Variants in NCAM1 observed in about 807,000 individuals in gnomAD.
NCAM1 encodes antigen recognized by monoclonal antibody 5.1H11.
NCAM1 carries 14 observed loss-of-function variants against 109.8 expected under a neutral mutation model. That is an observed-to-expected ratio of 0.13 (90% CI 0.08 to 0.20). The LOEUF is 0.20. NCAM1 is among the 10% of genes least tolerant of loss of function. NCAM1 has a pLI of 1.00. For synonymous variants in NCAM1, 418 were observed against 442.9 expected (o/e 0.94, Z 0.70); for missense variants, 774 against 1,109.9 (o/e 0.70, Z 4.30).
At chr11:113,123,849 G>A (rs1019167120) in intron 1 of NCAM1, among the ~76,000 whole-genome samples, 2 of 152,164 alleles carry the variant, frequency 1.3e-5, no homozygotes, top group African/African-American at 4.8e-5. Flanking sequence ...CCCTGGCAAA[G>A]GGATGTAGAC....
chr11:113,151,896 A>G (rs1335968780), intron 1 of NCAM1, among the ~76,000 whole-genome samples: 3 of 152,254 alleles, frequency 2.0e-5, no homozygotes, highest in Non-Finnish European at 2.9e-5. Flanking sequence ...AAATGGATGT[A>G]GGAGTGAACC....
chr11:113,216,390 G>T (rs1555114397), intron 8 of NCAM1, among the ~76,000 whole-genome samples: 1 of 151,924 alleles, frequency 6.6e-6, no homozygotes, highest in Admixed American at 6.6e-5. Flanking sequence ...CTGACCTCGT[G>T]ATCCGCCCGC....
chr11:113,130,786 C>G (rs1352901703), intron 1 of NCAM1: 6 of 152,152 alleles, frequency 3.9e-5, no homozygotes, highest in Admixed American at 2.0e-4. Context: ...TTTATACCTC[C>G]CCATCAGCAA....
intron 1 of NCAM1, among the ~76,000 whole-genome samples, chr11:113,120,364 G>T (rs576344999): frequency 6.6e-6 from 1 of 152,120 alleles, no homozygotes; most frequent in Non-Finnish European, 1.5e-5. Context: ...TTAGCACTCA[G>T]CCATTTAAAA....
At chr11:113,200,582 T>G (rs1238068617) in intron 1 of NCAM1, among the ~76,000 whole-genome samples, 1 of 152,146 alleles carries the variant, frequency 6.6e-6, no homozygotes, top group African/African-American at 2.4e-5. Flanking sequence ...ACGCTAGCCC[T>G]AACTAGAAGT....
chr11:112,967,600 G>A (rs781859349), intron 1 of NCAM1, among the ~76,000 whole-genome samples: 34 of 152,190 alleles, frequency 2.2e-4, no homozygotes, highest in Non-Finnish European at 1.3e-4. Context: ...GAGATCTTAG[G>A]ACTTCAGTGC....
intron 7 of NCAM1, among the ~76,000 whole-genome samples, chr11:113,211,017 G>C (rs781864291): frequency 6.6e-6 from 1 of 152,070 alleles, no homozygotes; most frequent in Admixed American, 6.6e-5. Flanking sequence ...GAAGGAACCT[G>C]GTGCCTCTTC....
chr11:113,111,598 CTG>C (rs1394266931), intron 1 of NCAM1, among the ~76,000 whole-genome samples: 1 of 152,156 alleles, frequency 6.6e-6, no homozygotes, highest in Non-Finnish European at 1.5e-5. Context: ...GGTTATATGA[CTG>C]TATACATTTG....
intron 1 of NCAM1, among the ~76,000 whole-genome samples, chr11:113,130,181 G>A (rs762439354): frequency 2.0e-5 from 3 of 152,218 alleles, no homozygotes; most frequent in Non-Finnish European, 4.4e-5. Context: ...TCACATTGGC[G>A]AGCAGGCTCT....
At chr11:113,043,509 G>T (rs984028797) in intron 1 of NCAM1, among the ~76,000 whole-genome samples, 1 of 151,992 alleles carries the variant, frequency 6.6e-6, no homozygotes, top group Non-Finnish European at 1.5e-5. Flanking sequence ...GCTAATTTTT[G>T]TATTTTTAGT....
At chr11:113,230,013 C>T (rs1219505795) in intron 9 of NCAM1, among the ~76,000 whole-genome samples, 3 of 151,716 alleles carry the variant, frequency 2.0e-5, no homozygotes, top group African/African-American at 7.3e-5. Context: ...AGCACACCAA[C>T]ATGGCACATG....
intron 14 of NCAM1, chr11:113,242,798 T>C (rs782814047): frequency 6.2e-6 from 10 of 1,613,366 alleles, no homozygotes; most frequent in Non-Finnish European, 6.8e-6. Context: ...CTGTCGTGTT[T>C]CCATAGCAAC....
chr11:113,265,009 C>A, intron 17 of NCAM1: 1 of 985,450 alleles, frequency 1.0e-6, no homozygotes, highest in Non-Finnish European at 1.2e-6. Flanking sequence ...TCCCCTGTGC[C>A]CTGTAGTTGT....
intron 1 of NCAM1, among the ~76,000 whole-genome samples, chr11:113,117,070 CAA>C: frequency 6.6e-6 from 1 of 151,868 alleles, no homozygotes. Flanking sequence ...AATTGGCCTT[CAA>C]TATTTCATGT....
chr11:113,141,529 G>A (rs1489662746), intron 1 of NCAM1, among the ~76,000 whole-genome samples: 3 of 152,142 alleles, frequency 2.0e-5, no homozygotes, highest in African/African-American at 7.2e-5. Flanking sequence ...TGTGCCTGTA[G>A]TCCCAGCTAC....
At chr11:113,193,403 C>T (rs551407505) in intron 1 of NCAM1, among the ~76,000 whole-genome samples, 113 of 152,234 alleles carry the variant, frequency 7.4e-4, no homozygotes, top group African/African-American at 2.5e-3. Context: ...CCCAGCACTT[C>T]GAGAGGCCGA....
intron 8 of NCAM1, among the ~76,000 whole-genome samples, chr11:113,218,116 C>A (rs1555114651): frequency 6.6e-6 from 1 of 152,088 alleles, no homozygotes; most frequent in Admixed American, 6.6e-5. Flanking sequence ...AAGCATAGAG[C>A]CCAAGAGCAG....
chr11:113,201,472 GGA>G (rs1944059088), intron 1 of NCAM1, among the ~76,000 whole-genome samples: 1 of 152,138 alleles, frequency 6.6e-6, no homozygotes, highest in Non-Finnish European at 1.5e-5. Context: ...CTTAAGAGAA[GGA>G]AAGGCAGAAA....
At chr11:113,188,716 T>G (rs1943587562) in intron 1 of NCAM1, among the ~76,000 whole-genome samples, 1 of 152,186 alleles carries the variant, frequency 6.6e-6, no homozygotes, top group African/African-American at 2.4e-5. Flanking sequence ...GAACCCAGTT[T>G]TGCCTGGTCA....
Sources: allele counts gnomAD v4.1 joint callset (sites outside exome capture counted in the v4.1 genomes callset), GRCh38; gene constraint gnomAD v4.1.1; transcripts MANE v1.5; gene names NCBI Gene and HGNC (gene_info 2026-07-23, HGNC 2026-07-21).